The following UBAP1 variants were observed in gnomAD, a reference collection of about 807,000 sequenced individuals.
UBAP1 encodes the protein ubiquitin associated protein 1, also known as ubiquitin-associated protein 1.
Under a neutral mutation model 39.0 loss-of-function variants are expected in UBAP1, and 5 were observed. The ratio of observed to expected loss-of-function variants is 0.13; its 90% CI spans 0.07 to 0.27. The LOEUF (loss-of-function observed/expected upper bound fraction) is 0.27. Among genes scored for constraint, UBAP1 ranks in the 10% least tolerant of loss-of-function variants. The pLI is 1.00. For synonymous variants in UBAP1, 211 were observed against 225.1 expected (o/e 0.94, Z 0.56); for missense variants, 490 against 608.1 (o/e 0.81, Z 2.04).
intron 1 of UBAP1, among the ~76,000 whole-genome samples, chr9:34,199,806 T>G (rs1831268736): frequency 6.7e-6 from 1 of 149,804 alleles, no homozygotes; most frequent in African/African-American, 2.5e-5. Context: ...TGGCTGATTT[T>G]TTTTTTTTTT....
chr9:34,182,669 TTCTTTCTTTCTTTC>T (rs1830137588), intron 1 of UBAP1, among the ~76,000 whole-genome samples: 2 of 47,040 alleles, frequency 4.3e-5, no homozygotes, highest in African/African-American at 1.0e-4. Context: ...CTTTCTTTCT[TTCTTTCTTTCTTTC>T]TCTCTCTCTT....
chr9:34,229,955 G>A lies in UBAP1; in HGVS notation c.35-4261G>A, dbSNP rs532122898. The stretch of plus-strand genomic sequence containing the variant: ...CTCCCAAAGTGTTGGGATTACAGGC[G>A]TGAGCCACCACGCTGGCCTCATATC... On this transcript the variant is annotated intron_variant, in intron 2 of 6. Coordinates refer to ENST00000297661, the MANE Select transcript of UBAP1 (RefSeq NM_016525.5). Among the ~76,000 whole-genome samples, 76 of 152,190 alleles carry A rather than the reference G, an allele frequency of 5.0e-4. 1 individual carries two copies. The highest frequency in any genetic ancestry group is 1.4e-3 in the Admixed American group (21 of 15,284).
At chr9:34,207,048 C>CTTTTTTTTTTTT (rs34197502) in intron 1 of UBAP1, among the ~76,000 whole-genome samples, 1 of 90,054 alleles carries the variant, frequency 1.1e-5, no homozygotes, top group African/African-American at 4.5e-5. Context: ...ATTGTTATTT[C>CTTTTTTTTTTTT]TTTTTTTTTT....
intron 2 of UBAP1, among the ~76,000 whole-genome samples, chr9:34,227,188 A>G (rs1206420883): frequency 6.6e-6 from 1 of 152,206 alleles, no homozygotes; most frequent in Admixed American, 6.5e-5. Flanking sequence ...TTAGGATATG[A>G]GTAACATTTT....
rs1832017768 is a variant in UBAP1 at position 34,211,539 on chromosome 9, A to G, written c.-7-9369A>G. Among the ~76,000 whole-genome samples the G allele has an allele frequency of 2.0e-5, 3 of 152,174 alleles. No individual in the cohort carries two copies. In the South Asian group the frequency reaches 6.2e-4, roughly 31 times the overall value. The stretch of plus-strand genomic sequence containing the variant: ...GTTTTGGGAAGCATTTTTAGAGAGT[A>G]TTATAATAATTTGACAGATATGCAA... On this transcript the variant is annotated intron_variant, in intron 1 of 6. Transcript: ENST00000297661.
chr9:34,235,396 C>A (rs531401307), intron 3 of UBAP1, among the ~76,000 whole-genome samples: 1 of 151,042 alleles, frequency 6.6e-6, no homozygotes, highest in African/African-American at 2.4e-5. Flanking sequence ...TGGAGTGCAG[C>A]GGTGCAATCT....
intron 1 of UBAP1, among the ~76,000 whole-genome samples, chr9:34,212,428 T>TACACACAC (rs1491134084): frequency 6.6e-5 from 4 of 60,168 alleles, no homozygotes; most frequent in Admixed American, 3.6e-4. Context: ...CACACACACT[T>TACACACAC]ATAGTTATTT....
At chr9:34,196,224 G>A (rs1831045539) in intron 1 of UBAP1, among the ~76,000 whole-genome samples, 1 of 150,156 alleles carries the variant, frequency 6.7e-6, no homozygotes, top group Non-Finnish European at 1.5e-5. Context: ...CTGCAGCCTC[G>A]ACCTTTCGGG....
intron 3 of UBAP1, among the ~76,000 whole-genome samples, chr9:34,234,825 T>C (rs1833603001): frequency 6.6e-6 from 1 of 152,190 alleles, no homozygotes; most frequent in Non-Finnish European, 1.5e-5. Flanking sequence ...ATGTTACTCA[T>C]TTATGTATTA....
At chr9:34,219,627 C>T (rs1832545376) in intron 1 of UBAP1, among the ~76,000 whole-genome samples, 1 of 151,318 alleles carries the variant, frequency 6.6e-6, no homozygotes, top group South Asian at 2.1e-4. Flanking sequence ...GGTTCAGCAT[C>T]CCTAATCTGA....
At chr9:34,181,344 C>T (rs1830019711) in intron 1 of UBAP1, among the ~76,000 whole-genome samples, 2 of 150,060 alleles carry the variant, frequency 1.3e-5, no homozygotes, top group South Asian at 4.2e-4. Flanking sequence ...TGTCCATCTG[C>T]TGACCTCGTG....
intron 1 of UBAP1, among the ~76,000 whole-genome samples, chr9:34,179,536 G>C (rs1829900028): frequency 6.6e-6 from 1 of 152,046 alleles, no homozygotes; most frequent in Admixed American, 6.6e-5. Flanking sequence ...CATCTATCGG[G>C]CTGGACTGAG....
intron 1 of UBAP1, among the ~76,000 whole-genome samples, chr9:34,202,783 A>G (rs1563895302): frequency 6.6e-6 from 1 of 152,036 alleles, no homozygotes; most frequent in Non-Finnish European, 1.5e-5. Flanking sequence ...AGCAAATCCC[A>G]GTCATATCAT....
intron 1 of UBAP1, among the ~76,000 whole-genome samples, chr9:34,189,292 G>T (rs549000247): frequency 6.6e-6 from 1 of 151,520 alleles, no homozygotes; most frequent in Admixed American, 6.6e-5. Context: ...GGGTTCAAGT[G>T]ATTCTTTCAC....
At chr9:34,181,985 A>G (rs1830064902) in intron 1 of UBAP1, among the ~76,000 whole-genome samples, 1 of 148,200 alleles carries the variant, frequency 6.7e-6, no homozygotes, top group African/African-American at 2.5e-5. Context: ...TTTTTTGTAG[A>G]GAAGGGGTCT....
At chr9:34,241,133 G>A (rs1833932644) in intron 3 of UBAP1, 52 bp from the exon 4 acceptor site, 1 of 1,338,244 alleles carries the variant, frequency 7.5e-7, no homozygotes, top group Admixed American at 2.7e-5. Flanking sequence ...GGGTGGTGGG[G>A]TAAAGATGGC....
intron 1 of UBAP1, among the ~76,000 whole-genome samples, chr9:34,191,242 G>A (rs1163631984): frequency 6.6e-6 from 1 of 152,140 alleles, no homozygotes; most frequent in Admixed American, 6.6e-5. Flanking sequence ...TTCTGAGTCA[G>A]TAGCTCTGGT....
In UBAP1 at chr9:34,231,746, G is replaced by A. The variant is rs187399372; in HGVS notation, c.35-2470G>A. 4.8e-3 allele frequency among the ~76,000 whole-genome samples: 736 copies of A among 151,792 alleles called. 3 individuals carry two copies. The highest frequency in any genetic ancestry group is 8.1e-3 in the Non-Finnish European group (553 of 67,936). ...TGCAAGCTCCGCCTCCCGGGTTCAC[G>A]ACATTCTTCTGCCTCAGCCTCCCCA... is the stretch of plus-strand genomic sequence containing the variant. On this transcript the variant is annotated intron_variant, in intron 2 of 6. Coordinates refer to ENST00000297661, the MANE Select transcript of UBAP1 (RefSeq NM_016525.5).
intron 1 of UBAP1, among the ~76,000 whole-genome samples, chr9:34,213,497 C>T (rs532787110): frequency 9.1e-4 from 138 of 152,088 alleles, no homozygotes; most frequent in African/African-American, 3.1e-3. Flanking sequence ...GGCGACAGAG[C>T]GAGACTCTGT....
Sources: gnomAD v4.1 joint callset for allele counts (sites outside exome capture counted in the v4.1 genomes callset) on GRCh38, gnomAD v4.1.1 for gene constraint, MANE v1.5 for transcripts, NCBI Gene and HGNC (gene_info 2026-07-23, HGNC 2026-07-21) for gene names.